The following POF1B variants were observed in gnomAD, a reference collection of about 807,000 sequenced individuals.
The protein encoded by POF1B is POF1B actin binding protein, also known as protein POF1B.
A neutral mutation model predicts 55.3 loss-of-function variants in POF1B; 53 were observed. The ratio of observed to expected loss-of-function variants is 0.96; its 90% CI spans 0.77 to 1.20. The LOEUF (loss-of-function observed/expected upper bound fraction) is 1.20. Ranked by LOEUF, POF1B falls within the 50% of genes most tolerant of loss-of-function variation. POF1B has a pLI of 0.00. For synonymous variants in POF1B, 188 were observed against 148.3 expected (o/e 1.27, Z -1.95); for missense variants, 478 against 420.5 (o/e 1.14, Z -1.20).
intron 15 of POF1B, among the ~76,000 whole-genome samples, chrX:85,283,845 C>CA (rs1361694513): frequency 1.8e-5 from 2 of 110,855 alleles, no homozygotes; most frequent in African/African-American, 6.5e-5. Flanking sequence ...ATAAGATTAA[C>CA]AAAAAACTTC....
Position 85,366,717 on chromosome X carries a change from C to T in POF1B, c.357+975G>A, listed in dbSNP as rs1488131814. Among the ~76,000 whole-genome samples the T allele has an allele frequency of 2.7e-5, 3 of 110,815 alleles. No individual in the cohort carries two copies. The East Asian group carries it at 8.5e-4, about 32-fold the overall frequency. On this transcript the variant is annotated intron_variant, in intron 3 of 16. Coordinates refer to ENST00000262753, the MANE Select transcript of POF1B (RefSeq NM_024921.4). ...GTCCAATGGTTTGTTATGTATGTGG[C>T]CCATGCTAGTCTGTGAGCTCCTTGA...
At chrX:85,350,949 T>C (rs1933372447) in intron 5 of POF1B, among the ~76,000 whole-genome samples, 1 of 111,854 alleles carries the variant, frequency 8.9e-6, no homozygotes, top group African/African-American at 3.2e-5. Context: ...ATTTCACATA[T>C]CTGTTCGTAT....
chrX:85,317,198 G>A (rs1448909011), intron 7 of POF1B, among the ~76,000 whole-genome samples: 2 of 110,059 alleles, frequency 1.8e-5, no homozygotes, highest in East Asian at 5.8e-4. Flanking sequence ...GTGTGCAAGT[G>A]TCTGTATGGT....
chrX:85,336,968 C>T (rs1000904964), intron 6 of POF1B, among the ~76,000 whole-genome samples: 1 of 111,303 alleles, frequency 9.0e-6, no homozygotes, highest in Non-Finnish European at 1.9e-5. Context: ...TGATTTTATT[C>T]TTGTATATGG....
intron 2 of POF1B, among the ~76,000 whole-genome samples, chrX:85,377,470 T>G (rs1933941174): frequency 8.9e-6 from 1 of 112,113 alleles, no homozygotes; most frequent in Admixed American, 9.5e-5. Flanking sequence ...TACTTCTTTT[T>G]TTCCCTTTAC....
intron 3 of POF1B, among the ~76,000 whole-genome samples, chrX:85,361,645 GTC>G (rs1405587117): frequency 9.0e-6 from 1 of 111,535 alleles, no homozygotes; most frequent in African/African-American, 3.3e-5. Flanking sequence ...GTAGCGTGAT[GTC>G]TCCAGCTTTG....
chrX:85,342,688 C>A (rs1933194777), intron 6 of POF1B, among the ~76,000 whole-genome samples: 1 of 111,268 alleles, frequency 9.0e-6, no homozygotes, highest in Non-Finnish European at 1.9e-5. Context: ...ACGCTCCTTC[C>A]AAATTACAGT....
At chrX:85,328,400 T>C (rs1932925335) in intron 7 of POF1B, among the ~76,000 whole-genome samples, 1 of 109,656 alleles carries the variant, frequency 9.1e-6, no homozygotes, top group Admixed American at 9.8e-5. Flanking sequence ...GAGACGGGGT[T>C]TCACCATGTT....
rs770200104 is a variant in POF1B, at chrX:85,356,388, A to G, written c.438+3162T>C. On this transcript the variant is annotated intron_variant, in intron 4 of 16. Transcript: ENST00000262753. ...GAGTTAATGTGTGCAGCACACCAAC[A>G]TGGCACATGTATACATATGTAACAA... Among the ~76,000 whole-genome samples, 4 of 110,024 alleles carry G rather than the reference A, an allele frequency of 3.6e-5. No homozygotes were observed. The South Asian group carries it at 1.6e-3, about 44-fold the overall frequency.
intron 6 of POF1B, among the ~76,000 whole-genome samples, chrX:85,337,235 G>T (rs1055186717): frequency 1.8e-5 from 2 of 111,248 alleles, no homozygotes; most frequent in African/African-American, 6.5e-5. Context: ...GTTGAGTTCT[G>T]CCCAATTTTG....
At chrX:85,345,217 A>T (rs191092665) in intron 6 of POF1B, among the ~76,000 whole-genome samples, 1 of 111,066 alleles carries the variant, frequency 9.0e-6, no homozygotes, top group African/African-American at 3.3e-5. Flanking sequence ...CATACAAGAA[A>T]ATCTTTTTTC....
chrX:85,339,860 A>G (rs1054317045), intron 6 of POF1B, among the ~76,000 whole-genome samples: 29 of 111,479 alleles, frequency 2.6e-4, no homozygotes, highest in Non-Finnish European at 4.9e-4. Flanking sequence ...AGTAAAGTGG[A>G]GCATTGAAGG....
chrX:85,353,477 C>T (rs1036052240), intron 4 of POF1B, among the ~76,000 whole-genome samples: 6 of 110,668 alleles, frequency 5.4e-5, no homozygotes, highest in Non-Finnish European at 1.1e-4. Flanking sequence ...GTCTACTACA[C>T]GGTACCAAAA....
chrX:85,285,931 A>C (rs1971828868), intron 15 of POF1B, among the ~76,000 whole-genome samples: 1 of 111,910 alleles, frequency 8.9e-6, no homozygotes, highest in African/African-American at 3.2e-5. Flanking sequence ...AAGCATGATA[A>C]AAAATGTTAA....
At chrX:85,332,846 T>A (rs1362376000) in intron 6 of POF1B, among the ~76,000 whole-genome samples, 1 of 110,829 alleles carries the variant, frequency 9.0e-6, no homozygotes, top group Non-Finnish European at 1.9e-5. Context: ...TGGAGTTGCT[T>A]CCCTGAGTAA....
At chrX:85,336,365 T>G in intron 6 of POF1B, among the ~76,000 whole-genome samples, 1 of 111,132 alleles carries the variant, frequency 9.0e-6, no homozygotes, top group South Asian at 3.8e-4. Context: ...TATTTTTAGT[T>G]TTTTGAGGAA....
At chrX:85,319,130 A>G (rs1033037306) in intron 7 of POF1B, among the ~76,000 whole-genome samples, 10 of 111,160 alleles carry the variant, frequency 9.0e-5, no homozygotes, top group African/African-American at 3.3e-4. Flanking sequence ...TTTTGTGGCA[A>G]TTGTGAATGG....
chrX:85,346,117 T>G (rs901722049), intron 5 of POF1B, 75 bp from the exon 6 acceptor site: 11 of 741,975 alleles, frequency 1.5e-5, no homozygotes, highest in African/African-American at 9.0e-5. Flanking sequence ...CTGAAACCAT[T>G]TTTTTAAACT....
chrX:85,339,845 T>A (rs1404004813), intron 6 of POF1B, among the ~76,000 whole-genome samples: 1 of 110,693 alleles, frequency 9.0e-6, no homozygotes, highest in Non-Finnish European at 1.9e-5. Flanking sequence ...ATAGAAAAAA[T>A]TTTCAGTAAA....
Sources: gnomAD v4.1 joint callset for allele counts (sites outside exome capture counted in the v4.1 genomes callset) on GRCh38, gnomAD v4.1.1 for gene constraint, MANE v1.5 for transcripts, NCBI Gene and HGNC (gene_info 2026-07-23, HGNC 2026-07-21) for gene names.